Variants in MAGI2 observed in about 807,000 individuals in gnomAD.
MAGI2 encodes membrane associated guanylate kinase, WW and PDZ domain containing 2, also known as membrane-associated guanylate kinase, WW and PDZ domain-containing protein 2.
Under a neutral mutation model 133.3 loss-of-function variants are expected in MAGI2, and 35 were observed. That is an observed-to-expected ratio of 0.26 (90% CI 0.20 to 0.35). MAGI2 has a LOEUF of 0.35. MAGI2 is among the 10% of genes least tolerant of loss of function. The pLI is 1.00. For synonymous variants in MAGI2, 729 were observed against 710.6 expected (o/e 1.03, Z -0.41); for missense variants, 1,636 against 1,863.4 (o/e 0.88, Z 2.25).
intron 1 of MAGI2, among the ~76,000 whole-genome samples, chr7:79,113,998 G>T (rs1307778049): frequency 2.6e-5 from 4 of 152,156 alleles, no homozygotes; most frequent in African/African-American, 9.7e-5. Context: ...ATGTTCAGGT[G>T]TTATGTGCAT....
chr7:78,904,826 C>T (rs1797881754), intron 2 of MAGI2, among the ~76,000 whole-genome samples: 1 of 152,140 alleles, frequency 6.6e-6, no homozygotes, highest in Non-Finnish European at 1.5e-5. Flanking sequence ...AAGCAATTCT[C>T]AATGTTCACT....
chr7:78,529,857 A>T (rs1438495163), intron 3 of MAGI2, among the ~76,000 whole-genome samples: 1 of 151,314 alleles, frequency 6.6e-6, no homozygotes, highest in Non-Finnish European at 1.5e-5. Flanking sequence ...TTAAAAGAGA[A>T]AAAATGTGAA....
At chr7:79,314,755 A>G (rs952928966) in intron 1 of MAGI2, among the ~76,000 whole-genome samples, 2 of 152,190 alleles carry the variant, frequency 1.3e-5, no homozygotes, top group African/African-American at 2.4e-5. Context: ...ATCAAACTAC[A>G]TAAGATAAAC....
intron 1 of MAGI2, among the ~76,000 whole-genome samples, chr7:79,339,468 T>TG (rs1840727211): frequency 1.3e-5 from 2 of 149,836 alleles, no homozygotes; most frequent in African/African-American, 4.9e-5. Flanking sequence ...GTTTTTGTTT[T>TG]TTTTTTTTTT....
intron 7 of MAGI2, among the ~76,000 whole-genome samples, chr7:78,363,317 C>T (rs1793023915): frequency 6.6e-6 from 1 of 152,106 alleles, no homozygotes; most frequent in Non-Finnish European, 1.5e-5. Context: ...CACGGTGAAA[C>T]CCCATCTCTA....
rs111772811 is a variant in MAGI2, at chr7:79,030,327, T to A, written c.302-23121A>T. On this transcript the variant is annotated intron_variant, in intron 1 of 21. Coordinates refer to ENST00000354212, the MANE Select transcript of MAGI2 (RefSeq NM_012301.4). ...TGCACAAGGATGACACACAAATCCA[T>A]GAAGCATTCCATAAAATAAAACAAA... 7.3e-5 allele frequency: 11 copies of A among 151,488 alleles called. No individual in the cohort carries two copies. In the South Asian group the frequency reaches 2.1e-3, roughly 29 times the overall value. The allele number at this position is 151,488 out of a possible 1,614,324, so 9.4% of individuals were successfully genotyped here.
chr7:78,356,987 A>AGT lies in MAGI2; in HGVS notation c.1104-10945_1104-10944insAC, dbSNP rs576260225. On this transcript the variant is annotated intron_variant, in intron 7 of 21. Coordinates refer to ENST00000354212, the MANE Select transcript of MAGI2 (RefSeq NM_012301.4). ...AATTCCCCTAATGTTTCTGAACTGCAACTGCCTCATCTGTAAATATTCTAC... is the reference window on the plus strand; with the variant it reads ...AATTCCCCTAATGTTTCTGAACTGCAGTACTGCCTCATCTGTAAATATTCTAC... 1.3e-3 allele frequency among the ~76,000 whole-genome samples: 195 copies of AGT among 152,354 alleles called. 1 individual carries two copies. Among genetic ancestry groups the AGT allele is most frequent in the African/African-American group, 4.3e-3 (178 of 41,570 alleles).
chr7:78,484,432 G>A (rs1471391786), intron 6 of MAGI2: 2 of 151,476 alleles, frequency 1.3e-5, no homozygotes, highest in African/African-American at 4.8e-5. Context: ...TTTTCCTGTA[G>A]TAACATAAGA....
intron 2 of MAGI2, among the ~76,000 whole-genome samples, chr7:78,789,401 T>C (rs1404629310): frequency 6.6e-6 from 1 of 152,206 alleles, no homozygotes; most frequent in Admixed American, 6.5e-5. Context: ...GTGCATGCTT[T>C]CTCAGCAAAG....
At chr7:78,419,578 C>CT (rs956882380) in intron 6 of MAGI2, among the ~76,000 whole-genome samples, 3 of 144,362 alleles carry the variant, frequency 2.1e-5, no homozygotes, top group African/African-American at 7.8e-5. Flanking sequence ...TTCCCTGAGA[C>CT]TGAGTCTGGG....
chr7:78,475,163 C>T (rs1335635289), intron 6 of MAGI2, among the ~76,000 whole-genome samples: 1 of 151,848 alleles, frequency 6.6e-6, no homozygotes, highest in Non-Finnish European at 1.5e-5. Flanking sequence ...TGTGTGTATG[C>T]TTTTTAAATG....
At chr7:78,142,008 G>A (rs546752221) in intron 16 of MAGI2, among the ~76,000 whole-genome samples, 1 of 152,216 alleles carries the variant, frequency 6.6e-6, no homozygotes, top group East Asian at 1.9e-4. Flanking sequence ...GAAATCTCAC[G>A]ACATTAGGAA....
chr7:78,022,156 CTT>C (rs759341200), intron 21 of MAGI2, among the ~76,000 whole-genome samples: 5 of 152,180 alleles, frequency 3.3e-5, no homozygotes, highest in Admixed American at 6.5e-5. Flanking sequence ...ATGTGTTCTA[CTT>C]TTGGGTGGGT....
intron 9 of MAGI2, among the ~76,000 whole-genome samples, chr7:78,257,212 C>T (rs992571195): frequency 2.0e-5 from 3 of 152,094 alleles, no homozygotes; most frequent in Non-Finnish European, 4.4e-5. Flanking sequence ...TGATATTGAC[C>T]AAGTTCCCTG....
intron 11 of MAGI2, among the ~76,000 whole-genome samples, chr7:78,200,829 T>C (rs905042099): frequency 3.3e-5 from 5 of 152,176 alleles, no homozygotes; most frequent in African/African-American, 9.7e-5. Flanking sequence ...TTCCTAAAAA[T>C]TCCATGTTAT....
chr7:78,849,500 G>A (rs1363886390), intron 2 of MAGI2, among the ~76,000 whole-genome samples: 1 of 152,040 alleles, frequency 6.6e-6, no homozygotes, highest in Non-Finnish European at 1.5e-5. Flanking sequence ...GGCTGCAGAA[G>A]CAACACACGT....
intron 1 of MAGI2, among the ~76,000 whole-genome samples, chr7:79,329,164 A>T (rs941879043): frequency 6.6e-6 from 1 of 152,208 alleles, no homozygotes; most frequent in African/African-American, 2.4e-5. Flanking sequence ...ACACAGAGGA[A>T]AAGTGGAGAT....
intron 1 of MAGI2, among the ~76,000 whole-genome samples, chr7:79,321,286 G>T (rs1839160909): frequency 6.6e-6 from 1 of 151,948 alleles, no homozygotes; most frequent in African/African-American, 2.4e-5. Flanking sequence ...TAGGGCCTTG[G>T]TTTTTCAAAG....
intron 2 of MAGI2, among the ~76,000 whole-genome samples, chr7:78,977,575 A>C (rs1269187898): frequency 1.3e-5 from 2 of 151,762 alleles, no homozygotes; most frequent in Non-Finnish European, 2.9e-5. Context: ...AAATGTAATG[A>C]AATAAAAAAC....
Sources: allele counts gnomAD v4.1 joint callset (sites outside exome capture counted in the v4.1 genomes callset), GRCh38; gene constraint gnomAD v4.1.1; transcripts MANE v1.5; gene names NCBI Gene and HGNC (gene_info 2026-07-23, HGNC 2026-07-21).